Variants in CNTN5 observed in about 807,000 individuals in gnomAD.
The protein encoded by CNTN5 is contactin 5.
Under a neutral mutation model 129.1 loss-of-function variants are expected in CNTN5, and 77 were observed. That is an observed-to-expected ratio of 0.60 (90% CI 0.50 to 0.72). CNTN5 has a LOEUF of 0.72. Among genes scored for constraint, CNTN5 ranks in the 30% least tolerant of loss-of-function variants. CNTN5 has a pLI of 0.00. For missense variants in CNTN5, 1,478 were observed against 1,328.8 expected, an observed-to-expected ratio of 1.11 and a Z score of -1.75; for synonymous variants, 509 against 465.6, an observed-to-expected ratio of 1.09 and a Z score of -1.20.
chr11:100,112,365 G>C (rs998924707), intron 13 of CNTN5, among the ~76,000 whole-genome samples: 2 of 152,096 alleles, frequency 1.3e-5, no homozygotes, highest in African/African-American at 4.8e-5. Context: ...TTTTACTGAA[G>C]CATAGTGCAT....
chr11:100,043,175 A>G (rs989264199), intron 9 of CNTN5, among the ~76,000 whole-genome samples: 1 of 152,238 alleles, frequency 6.6e-6, no homozygotes, highest in Non-Finnish European at 1.5e-5. Context: ...AAGAAAATGA[A>G]TGAATCATTC....
Position 99,793,065 on chromosome 11 carries a change from ATT to A in CNTN5, c.56-26467_56-26466del, listed in dbSNP as rs34583185. 1.5e-3 allele frequency among the ~76,000 whole-genome samples: 213 copies of A among 142,710 alleles called. 1 individual carries two copies. The highest frequency in any genetic ancestry group is 5.2e-3 in the African/African-American group (202 of 38,982). The allele number at this position is 142,710 out of a possible 152,430, so 93.6% of individuals were successfully genotyped here. On this transcript the variant is annotated intron_variant, in intron 3 of 24. Coordinates refer to ENST00000524871, the MANE Select transcript of CNTN5 (RefSeq NM_014361.4). ...TACTAGCAGTCTATCTATCTTATTA[ATT>A]TTTTTTTTTTTCGACACAGTCTCAC...
At chr11:99,533,723 C>T (rs1385544783) in intron 2 of CNTN5, among the ~76,000 whole-genome samples, 4 of 152,286 alleles carry the variant, frequency 2.6e-5, no homozygotes, top group East Asian at 1.9e-4. Context: ...TCATTTAGTC[C>T]GAAATATGTG....
intron 1 of CNTN5, among the ~76,000 whole-genome samples, chr11:99,154,416 G>A (rs529817850): frequency 5.8e-4 from 89 of 152,286 alleles, no homozygotes; most frequent in African/African-American, 2.1e-3. Flanking sequence ...GCATCTGTGT[G>A]CCTGTTTTTG....
rs183403216 is a variant in CNTN5 at position 99,328,674 on chromosome 11, C to T, written c.-71+3190C>T. ...TCACCTGAGGTCGGGAGTTTGAGAC[C>T]AGCTTGACCAACATGGAGAAACCCC... is the stretch of plus-strand genomic sequence containing the variant. On this transcript the variant is annotated intron_variant, in intron 2 of 24. Transcript: ENST00000524871. 3.6e-3 allele frequency among the ~76,000 whole-genome samples: 545 copies of T among 151,608 alleles called. 14 individuals are homozygous for T. The highest frequency in any genetic ancestry group is 5.3e-3 in the East Asian group (27 of 5,134).
At chr11:99,317,901 T>C (rs944941382) in intron 1 of CNTN5, among the ~76,000 whole-genome samples, 1 of 152,184 alleles carries the variant, frequency 6.6e-6, no homozygotes, top group Non-Finnish European at 1.5e-5. Context: ...AAAGAGTTTG[T>C]ATTTTTAATT....
chr11:100,338,960 G>C (rs1467183320), intron 21 of CNTN5, among the ~76,000 whole-genome samples: 1 of 151,910 alleles, frequency 6.6e-6, no homozygotes, highest in Non-Finnish European at 1.5e-5. Flanking sequence ...ACCCCAGAGG[G>C]AGTGTTACAG....
chr11:99,524,589 A>G (rs1032179144), intron 2 of CNTN5, among the ~76,000 whole-genome samples: 2 of 152,066 alleles, frequency 1.3e-5, no homozygotes, highest in African/African-American at 4.8e-5. Flanking sequence ...AGGCAGGCAG[A>G]TTACTTGAGG....
chr11:99,763,027 T>G (rs530771903), intron 3 of CNTN5, among the ~76,000 whole-genome samples: 6 of 152,252 alleles, frequency 3.9e-5, no homozygotes, highest in African/African-American at 1.2e-4. Context: ...TGCCAGTGTT[T>G]CCTAAATTTT....
chr11:99,284,837 A>T, intron 1 of CNTN5, among the ~76,000 whole-genome samples: 1 of 152,062 alleles, frequency 6.6e-6, no homozygotes, highest in Middle Eastern at 3.2e-3. Context: ...GATAGTAGAT[A>T]AATAGGTGGA....
chr11:99,369,836 C>A (rs186866730), intron 2 of CNTN5, among the ~76,000 whole-genome samples: 1 of 151,982 alleles, frequency 6.6e-6, no homozygotes, highest in African/African-American at 2.4e-5. Context: ...ATCAATATTT[C>A]TTTTGGAATT....
At chr11:99,929,041 G>A (rs565709834) in intron 7 of CNTN5, among the ~76,000 whole-genome samples, 5 of 152,184 alleles carry the variant, frequency 3.3e-5, no homozygotes, top group East Asian at 3.9e-4. Context: ...TCTCTCTCAC[G>A]TTTAAAGTTC....
intron 9 of CNTN5, among the ~76,000 whole-genome samples, chr11:100,020,628 A>C (rs1271000471): frequency 1.3e-5 from 2 of 152,152 alleles, no homozygotes; most frequent in East Asian, 3.8e-4. Flanking sequence ...TTATGGTTTC[A>C]TATGAATTAT....
intron 16 of CNTN5, among the ~76,000 whole-genome samples, chr11:100,234,918 T>G (rs1480711184): frequency 6.6e-6 from 1 of 152,110 alleles, no homozygotes; most frequent in Non-Finnish European, 1.5e-5. Flanking sequence ...TTAAATTTTT[T>G]GCAATTGCCC....
chr11:100,308,339 G>A lies in CNTN5; in HGVS notation c.2621-20G>A. On this transcript the variant is annotated intron_variant, in intron 20 of 24. Coordinates refer to ENST00000524871, the MANE Select transcript of CNTN5 (RefSeq NM_014361.4). ...TGGACATAAACTTTTTATAATTGTG[G>A]TTTATTTTCCTTCATACAGAACCCA... The A allele has an allele frequency of 3.1e-6, 5 of 1,600,034 alleles. No individual in the cohort carries two copies. The highest frequency in any genetic ancestry group is 4.3e-6 in the Non-Finnish European group (5 of 1,173,710).
At chr11:100,247,980 C>A (rs1184380894) in intron 16 of CNTN5, among the ~76,000 whole-genome samples, 2 of 152,050 alleles carry the variant, frequency 1.3e-5, no homozygotes, top group African/African-American at 4.8e-5. Context: ...AGTAGCTAAA[C>A]CTCCTTTTCA....
intron 10 of CNTN5, among the ~76,000 whole-genome samples, chr11:100,065,521 A>G (rs1474614456): frequency 6.6e-6 from 1 of 152,068 alleles, no homozygotes; most frequent in African/African-American, 2.4e-5. Context: ...TTAACTCACA[A>G]TAACCCTTAG....
chr11:99,541,411 G>T (rs555531266), intron 2 of CNTN5, among the ~76,000 whole-genome samples: 74 of 152,206 alleles, frequency 4.9e-4, no homozygotes, highest in African/African-American at 1.7e-3. Context: ...GTTTATTAAA[G>T]GGTGTCAGTT....
chr11:99,742,545 C>G (rs896555326), intron 3 of CNTN5, among the ~76,000 whole-genome samples: 2 of 152,040 alleles, frequency 1.3e-5, no homozygotes, highest in Non-Finnish European at 2.9e-5. Flanking sequence ...ATCTCTTGGG[C>G]TTTTTCTAGC....
Sources: gnomAD v4.1 joint callset for allele counts (sites outside exome capture counted in the v4.1 genomes callset) on GRCh38, gnomAD v4.1.1 for gene constraint, MANE v1.5 for transcripts, NCBI Gene and HGNC (gene_info 2026-07-23, HGNC 2026-07-21) for gene names.